CADM2: variants seen among roughly 807,000 people sequenced by gnomAD.
The protein encoded by CADM2 is cell adhesion molecule 2, also known as immunoglobulin superfamily member 4D.
A neutral mutation model predicts 49.8 loss-of-function variants in CADM2; 12 were observed. The observed-to-expected ratio is 0.24, with a 90% CI of 0.15 to 0.39. CADM2 has a LOEUF of 0.39. Ranked by LOEUF, CADM2 falls within the 10% of genes least tolerant of loss-of-function variation. The pLI, the probability that CADM2 is intolerant of heterozygous loss-of-function variation, is 1.00. For missense variants in CADM2, 378 were observed against 492.3 expected, an observed-to-expected ratio of 0.77 and a Z score of 2.20; for synonymous variants, 214 against 175.4, an observed-to-expected ratio of 1.22 and a Z score of -1.74.
At chr3:86,027,298 T>G (rs1734015977) in intron 8 of CADM2, among the ~76,000 whole-genome samples, 1 of 152,224 alleles carries the variant, frequency 6.6e-6, no homozygotes, top group Non-Finnish European at 1.5e-5. Context: ...ACATATTTAT[T>G]ATCAACATTG....
At chr3:85,665,119 T>G (rs1252817493) in intron 1 of CADM2, among the ~76,000 whole-genome samples, 1 of 151,996 alleles carries the variant, frequency 6.6e-6, no homozygotes, top group Non-Finnish European at 1.5e-5. Flanking sequence ...ACGGTCTGTT[T>G]CATATTATCT....
intron 8 of CADM2, among the ~76,000 whole-genome samples, chr3:86,018,123 C>T (rs1577965038): frequency 4.8e-5 from 6 of 124,594 alleles, no homozygotes; most frequent in Non-Finnish European, 8.4e-5. Context: ...TGAGAATATG[C>T]GGTGTTTGGT....
chr3:84,982,702 CATATATATAT>C (rs71104999), intron 1 of CADM2, among the ~76,000 whole-genome samples: 6,954 of 76,286 alleles, frequency 0.091, 471 homozygotes, highest in Admixed American at 0.23. Context: ...AACTATAAAG[CATATATATAT>C]ATATATATAT....
rs187512373 is a variant in CADM2 at position 86,061,123 on chromosome 3, T to G, written c.971-4482T>G. Among the ~76,000 whole-genome samples the G allele has an allele frequency of 7.2e-5, 11 of 152,164 alleles. No homozygotes were observed. In the East Asian group the frequency reaches 2.1e-3, roughly 29 times the overall value. ...AACATATGACCCAATACCATAAAAC[T>G]ACACAACTTACTAAAAGACACTGAA... On this transcript the variant is annotated intron_variant, in intron 8 of 9. Transcript: ENST00000383699.
chr3:85,710,389 A>G (rs185234106), intron 1 of CADM2, among the ~76,000 whole-genome samples: 1 of 152,258 alleles, frequency 6.6e-6, no homozygotes, highest in African/African-American at 2.4e-5. Flanking sequence ...TCAGGAAAAC[A>G]GGGACTTGTA....
chr3:85,543,421 T>TGTGTGTGGGTGTGTGTGTGTGTGTGG lies in CADM2; in HGVS notation c.62-183094_62-183093insGGTGTGTGTGTGTGTGTGGGTGTGTG, dbSNP rs1491106808. On this transcript the variant is annotated intron_variant, in intron 1 of 9. Transcript: ENST00000383699. ...AGGCACCGCCACCATGCCAAGCTAA[T>TGTGTGTGGGTGTGTGTGTGTGTGTGG]GTGTGTGTGTGTGTGTGTGTGTGTG... Among the ~76,000 whole-genome samples, 6 of 41,874 alleles carry TGTGTGTGGGTGTGTGTGTGTGTGTGG rather than the reference T, an allele frequency of 1.4e-4. No individual in the cohort carries two copies. In the South Asian group the frequency reaches 4.1e-3, roughly 29 times the overall value. 27.5% of individuals were successfully genotyped at this position (41,874 alleles called of 152,430 possible).
At chr3:85,938,273 C>T (rs1342012533) in intron 7 of CADM2, among the ~76,000 whole-genome samples, 3 of 151,954 alleles carry the variant, frequency 2.0e-5, no homozygotes, top group Admixed American at 2.0e-4. Context: ...CAAGACAAGA[C>T]TGAAATAATT....
intron 1 of CADM2, among the ~76,000 whole-genome samples, chr3:84,982,701 G>C (rs1446074125): frequency 5.8e-5 from 2 of 34,532 alleles, no homozygotes; most frequent in Admixed American, 6.3e-4. Context: ...AAACTATAAA[G>C]CATATATATA....
intron 1 of CADM2, among the ~76,000 whole-genome samples, chr3:85,573,549 T>A (rs58889493): frequency 0.51 from 77,956 of 151,938 alleles, 23,023 homozygotes; most frequent in East Asian, 0.85. Context: ...TATTAACTAC[T>A]ATCAGTGTAA....
intron 1 of CADM2, among the ~76,000 whole-genome samples, chr3:85,084,361 A>G (rs890673386): frequency 6.6e-6 from 1 of 152,176 alleles, no homozygotes; most frequent in African/African-American, 2.4e-5. Flanking sequence ...GCCTTCGTTC[A>G]CTTCGAAACA....
intron 1 of CADM2, among the ~76,000 whole-genome samples, chr3:85,227,138 G>GA (rs2042180286): frequency 6.6e-6 from 1 of 152,050 alleles, no homozygotes; most frequent in African/African-American, 2.4e-5. Flanking sequence ...TGACTATTAG[G>GA]TCCACTTGGT....
chr3:85,569,715 G>GAAAAAAAAAAAA (rs771004772), intron 1 of CADM2, among the ~76,000 whole-genome samples: 1 of 136,964 alleles, frequency 7.3e-6, no homozygotes, highest in Non-Finnish European at 1.6e-5. Context: ...AAAAAAAAAA[G>GAAAAAAAAAAAA]AAAAAAAAAA....
intron 1 of CADM2, among the ~76,000 whole-genome samples, chr3:85,537,480 G>T (rs939136626): frequency 2.0e-5 from 2 of 99,944 alleles, no homozygotes; most frequent in African/African-American, 3.1e-5. Flanking sequence ...GTACAAGTAC[G>T]CATGCATGGT....
At chr3:85,915,719 G>C (rs930880037) in intron 6 of CADM2, among the ~76,000 whole-genome samples, 2 of 152,102 alleles carry the variant, frequency 1.3e-5, no homozygotes, top group Non-Finnish European at 2.9e-5. Context: ...GGGTTAATCT[G>C]GGATTTATGG....
intron 3 of CADM2, among the ~76,000 whole-genome samples, chr3:85,839,606 T>A (rs1577445617): frequency 6.6e-6 from 1 of 151,810 alleles, no homozygotes; most frequent in Non-Finnish European, 1.5e-5. Context: ...CAATTTAGCC[T>A]TCTATATAAT....
chr3:85,611,716 T>G (rs2063687584), intron 1 of CADM2, among the ~76,000 whole-genome samples: 1 of 151,726 alleles, frequency 6.6e-6, no homozygotes, highest in South Asian at 2.1e-4. Flanking sequence ...TACTTTTTTT[T>G]TTTTTTTTCA....
chr3:86,024,897 T>C (rs1338571687), intron 8 of CADM2, among the ~76,000 whole-genome samples: 2 of 151,650 alleles, frequency 1.3e-5, no homozygotes, highest in Admixed American at 6.6e-5. Context: ...ATTTTTTCTT[T>C]CTTGAGACAG....
chr3:85,672,525 C>A (rs2065773682), intron 1 of CADM2, among the ~76,000 whole-genome samples: 1 of 151,884 alleles, frequency 6.6e-6, no homozygotes, highest in Non-Finnish European at 1.5e-5. Flanking sequence ...GTTAAAATAA[C>A]CATTTGTTCT....
chr3:85,654,840 C>T lies in CADM2; in HGVS notation c.62-71682C>T, dbSNP rs572027431. ...ATGTATGTTACAATTCTTGTATTCT[C>T]TACATCATTGACCACAATACTTTAA... On this transcript the variant is annotated intron_variant, in intron 1 of 9. Transcript: ENST00000383699. Among the ~76,000 whole-genome samples, 12 of 152,198 alleles carry T rather than the reference C, an allele frequency of 7.9e-5. 1 individual carries two copies. The highest frequency in any genetic ancestry group is 3.4e-3 in the Middle Eastern group (1 of 294).
Sources: allele counts gnomAD v4.1 joint callset (sites outside exome capture counted in the v4.1 genomes callset), GRCh38; gene constraint gnomAD v4.1.1; transcripts MANE v1.5; gene names NCBI Gene and HGNC (gene_info 2026-07-23, HGNC 2026-07-21).